Variants in CTBP2 observed in about 807,000 individuals in gnomAD.
The protein encoded by CTBP2 is C-terminal-binding protein 2.
Under a neutral mutation model 80.3 loss-of-function variants are expected in CTBP2, and 30 were observed. The observed-to-expected ratio is 0.37, with a 90% CI of 0.28 to 0.51. The LOEUF (loss-of-function observed/expected upper bound fraction) is 0.51, where lower values mean the gene tolerates loss of function less well. CTBP2 is among the 20% of genes least tolerant of loss of function. CTBP2 has a pLI of 0.93. For missense variants in CTBP2, 1,212 were observed against 1,375.3 expected (o/e 0.88, Z 1.88); for synonymous variants, 594 against 587.4 (o/e 1.01, Z -0.16).
intron 1 of CTBP2, among the ~76,000 whole-genome samples, chr10:125,123,585 T>C (rs925071609): frequency 6.6e-6 from 1 of 152,250 alleles, no homozygotes; most frequent in Admixed American, 6.5e-5. Flanking sequence ...GCAATTCCTT[T>C]CTTTAGGGGA....
At position 124,987,192 on chromosome 10, in the gene CTBP2, GATAGA is replaced by G. The variant is rs1383999358; in HGVS notation, c.*2321_*2325del. 6.6e-6 allele frequency: 1 copy of G among 152,472 alleles called. No homozygotes were observed. Among genetic ancestry groups the G allele is most frequent in the Non-Finnish European group, 1.5e-5 (1 of 68,018 alleles). 9.4% of individuals were successfully genotyped at this position (152,472 alleles called of 1,614,324 possible). A position where few individuals can be genotyped will look rare whatever the true frequency, so the allele number is the denominator to read the frequency against. On this transcript the variant is annotated 3_prime_UTR_variant, in exon 9 of 9. Transcript: ENST00000309035. ...AAAACAGCCATAATTATTGTCCCAA[GATAGA>G]ATATAGTCCTTTTTCAAAGATGATT... is the stretch of plus-strand genomic sequence containing the variant.
intron 2 of CTBP2, among the ~76,000 whole-genome samples, chr10:125,067,747 C>T (rs972670150): frequency 6.6e-6 from 1 of 152,168 alleles, no homozygotes; most frequent in Admixed American, 6.5e-5. Flanking sequence ...AGTCTGTGCA[C>T]GTAGCCTTTA....
chr10:125,109,461 C>A (rs1851956361), intron 2 of CTBP2, among the ~76,000 whole-genome samples: 1 of 152,230 alleles, frequency 6.6e-6, no homozygotes, highest in African/African-American at 2.4e-5. Flanking sequence ...CAGATTCTAG[C>A]ACACAGGTCT....
At chr10:125,070,431 C>T (rs1845293154) in intron 2 of CTBP2, among the ~76,000 whole-genome samples, 1 of 151,954 alleles carries the variant, frequency 6.6e-6, no homozygotes, top group South Asian at 2.1e-4. Context: ...GTGGCTCATG[C>T]CTGTAATCCC....
At chr10:125,107,014 A>G (rs554984175) in intron 2 of CTBP2, among the ~76,000 whole-genome samples, 7 of 152,206 alleles carry the variant, frequency 4.6e-5, no homozygotes, top group Non-Finnish European at 8.8e-5. Flanking sequence ...CTCAGGAGAG[A>G]AGAACAAACA....
At chr10:125,075,628 A>G (rs534460146) in intron 2 of CTBP2, among the ~76,000 whole-genome samples, 1 of 152,372 alleles carries the variant, frequency 6.6e-6, no homozygotes, top group South Asian at 2.1e-4. Flanking sequence ...ATCCAGACAA[A>G]GCAATTTTTA....
intron 2 of CTBP2, among the ~76,000 whole-genome samples, chr10:125,076,031 G>A (rs1466090817): frequency 2.6e-5 from 4 of 152,130 alleles, no homozygotes; most frequent in Admixed American, 2.6e-4. Context: ...AAATGACCAC[G>A]CACAGAATGG....
At chr10:125,084,752 T>C (rs988485264) in intron 2 of CTBP2, among the ~76,000 whole-genome samples, 6 of 152,024 alleles carry the variant, frequency 3.9e-5, no homozygotes, top group Non-Finnish European at 2.9e-5. Flanking sequence ...GCAGCAGCAG[T>C]GTCCCAGCAC....
chr10:125,073,403 C>A (rs904034607), intron 2 of CTBP2, among the ~76,000 whole-genome samples: 1 of 152,134 alleles, frequency 6.6e-6, no homozygotes, highest in African/African-American at 2.4e-5. Flanking sequence ...ACCACCACAC[C>A]CAGCTATATT....
chr10:124,990,064 T>TG (rs1303328979), intron 8 of CTBP2, among the ~76,000 whole-genome samples: 3 of 148,446 alleles, frequency 2.0e-5, no homozygotes, highest in East Asian at 4.0e-4. Context: ...TTTTTTGAGA[T>TG]GGAGTCTCAC....
At chr10:125,087,021 C>G (rs1848088957) in intron 2 of CTBP2, among the ~76,000 whole-genome samples, 2 of 152,018 alleles carry the variant, frequency 1.3e-5, no homozygotes, top group Admixed American at 6.6e-5. Flanking sequence ...TGAGCCAGCC[C>G]TGATTCTTCA....
At chr10:125,087,667 G>A (rs1455344793) in intron 2 of CTBP2, among the ~76,000 whole-genome samples, 1 of 152,134 alleles carries the variant, frequency 6.6e-6, no homozygotes, top group Non-Finnish European at 1.5e-5. Context: ...CCACATCTAG[G>A]AGTGTGCTGA....
chr10:125,134,139 T>C (rs1377557434), intron 1 of CTBP2, among the ~76,000 whole-genome samples: 1 of 152,106 alleles, frequency 6.6e-6, no homozygotes, highest in Admixed American at 6.5e-5. Flanking sequence ...GTTCTGAAAA[T>C]GCAAATATTG....
chr10:125,120,696 G>A (rs1854168607), intron 1 of CTBP2, among the ~76,000 whole-genome samples: 2 of 152,164 alleles, frequency 1.3e-5, no homozygotes, highest in Non-Finnish European at 2.9e-5. Context: ...CATTTCTTTA[G>A]AGAAAGGGTC....
At chr10:125,130,504 G>A (rs1855991959) in intron 1 of CTBP2, among the ~76,000 whole-genome samples, 1 of 152,196 alleles carries the variant, frequency 6.6e-6, no homozygotes, top group South Asian at 2.1e-4. Context: ...GTTAAATGCT[G>A]TGTCCTATAA....
intron 2 of CTBP2, among the ~76,000 whole-genome samples, chr10:125,054,790 A>C (rs1963526886): frequency 6.6e-6 from 1 of 152,226 alleles, no homozygotes. Flanking sequence ...GAACACTAAC[A>C]AAAAACAAGC....
chr10:125,049,131 T>C (rs919139727), intron 2 of CTBP2, among the ~76,000 whole-genome samples: 2 of 144,134 alleles, frequency 1.4e-5, no homozygotes, highest in African/African-American at 5.2e-5. Context: ...AACACCCCTT[T>C]CACCAAGTTC....
intron 7 of CTBP2, 68 bp from the exon 10 acceptor site, chr10:124,992,880 G>A: frequency 8.3e-7 from 1 of 1,198,930 alleles, no homozygotes; most frequent in Non-Finnish European, 1.2e-6. Context: ...CATTACACCT[G>A]TAGCTGCTTA....
chr10:124,992,908 T>C, intron 7 of CTBP2, 96 bp from the exon 10 acceptor site: 1 of 1,044,894 alleles, frequency 9.6e-7, no homozygotes. Flanking sequence ...AAATAAGCAT[T>C]TGTAAAAATG....
Sources: gnomAD v4.1 joint callset for allele counts (sites outside exome capture counted in the v4.1 genomes callset) on GRCh38, gnomAD v4.1.1 for gene constraint, MANE v1.5 for transcripts, NCBI Gene and HGNC (gene_info 2026-07-23, HGNC 2026-07-21) for gene names.